TATDN2: variants seen among roughly 807,000 people sequenced by gnomAD.
TATDN2 encodes the protein 3'-5' RNA nuclease TATDN2.
In TATDN2, 44 loss-of-function variants were observed where a neutral mutation model predicts 60.3. The ratio of observed to expected loss-of-function variants is 0.73; its 90% CI spans 0.57 to 0.94. TATDN2 has a LOEUF of 0.94. Ranked by LOEUF, TATDN2 falls within the 40% of genes least tolerant of loss-of-function variation. The pLI is 0.00. For synonymous variants in TATDN2, 399 were observed against 355.8 expected, an observed-to-expected ratio of 1.12 and a Z score of -1.37; for missense variants, 997 against 948.0, an observed-to-expected ratio of 1.05 and a Z score of -0.68.
intron 2 of TATDN2, among the ~76,000 whole-genome samples, chr3:10,253,552 C>T (rs1057421904): frequency 1.2e-4 from 18 of 152,166 alleles, no homozygotes; most frequent in African/African-American, 2.7e-4. Flanking sequence ...AACTGTGTGA[C>T]GAGCACCTTC....
chr3:10,257,904 A>G, intron 2 of TATDN2, among the ~76,000 whole-genome samples: 1 of 104,486 alleles, frequency 9.6e-6, no homozygotes, highest in Admixed American at 1.5e-4. Context: ...TCTGTAGCCC[A>G]GGCTGGAGTG....
At chr3:10,272,143 C>T (rs1273046780) in intron 4 of TATDN2, among the ~76,000 whole-genome samples, 3 of 151,788 alleles carry the variant, frequency 2.0e-5, no homozygotes, top group Non-Finnish European at 4.4e-5. Flanking sequence ...AGGTCTTTGT[C>T]GCCCACACTG....
At chr3:10,252,913 G>C (rs1698253071) in intron 2 of TATDN2, among the ~76,000 whole-genome samples, 1 of 144,528 alleles carries the variant, frequency 6.9e-6, no homozygotes, top group Non-Finnish European at 1.5e-5. Context: ...CTGGAGTGCA[G>C]TGGTGCAATC....
At chr3:10,265,019 C>CG (rs1553628980) in intron 3 of TATDN2, among the ~76,000 whole-genome samples, 1 of 76,448 alleles carries the variant, frequency 1.3e-5, no homozygotes, top group African/African-American at 5.8e-5. Context: ...TTTTTTTGGT[C>CG]TTTTTTTTTT....
At chr3:10,253,216 G>A (rs1369608312) in intron 2 of TATDN2, among the ~76,000 whole-genome samples, 1 of 151,702 alleles carries the variant, frequency 6.6e-6, no homozygotes, top group Non-Finnish European at 1.5e-5. Context: ...GACCAGGCTG[G>A]TCTCAATCTC....
chr3:10,272,732 A>G (rs193040318), intron 4 of TATDN2, among the ~76,000 whole-genome samples: 19 of 152,074 alleles, frequency 1.2e-4, no homozygotes, highest in Admixed American at 4.6e-4. Flanking sequence ...TCTATTAAAA[A>G]TACAAAAATT....
chr3:10,253,817 A>G (rs1353873027), intron 2 of TATDN2, among the ~76,000 whole-genome samples: 1 of 152,246 alleles, frequency 6.6e-6, no homozygotes, highest in Non-Finnish European at 1.5e-5. Context: ...CACTGGGCAG[A>G]TGAGATTCAG....
chr3:10,252,168 A>AAT lies in TATDN2; in HGVS notation c.414+2554_414+2555insAT, dbSNP rs1456090362. Among the ~76,000 whole-genome samples the AAT allele has an allele frequency of 9.6e-3, 1,305 of 136,200 alleles. 23 individuals are homozygous for AAT. Among genetic ancestry groups the AAT allele is most frequent in the East Asian group, 0.057 (244 of 4,288 alleles). 89.4% of individuals were successfully genotyped at this position (136,200 alleles called of 152,430 possible). ...GTCTCAAAAAAAAAAAAAAAAAAAAATTTTTTTTTTTGTAGAGATGAAGAT... is the reference window on the plus strand; with the variant it reads ...GTCTCAAAAAAAAAAAAAAAAAAAAAATTTTTTTTTTTTGTAGAGATGAAGAT... On this transcript the variant is annotated intron_variant, in intron 2 of 7. Transcript: ENST00000448281.
chr3:10,250,453 G>A (rs1698205797), intron 2 of TATDN2, among the ~76,000 whole-genome samples: 1 of 151,944 alleles, frequency 6.6e-6, no homozygotes, highest in African/African-American at 2.4e-5. Context: ...GAAGTGAGAA[G>A]TTCTGCCTGT....
intron 3 of TATDN2, among the ~76,000 whole-genome samples, chr3:10,268,851 T>TA (rs1698516690): frequency 6.6e-6 from 1 of 152,222 alleles, no homozygotes; most frequent in South Asian, 2.1e-4. Flanking sequence ...TCGTGGCGCT[T>TA]ACCTTCTCTA....
rs757547001 is a variant in TATDN2 at position 10,249,321 on chromosome 3, A to C, written c.121A>C (p.Arg41=). 6.2e-7 allele frequency: 1 copy of C among 1,611,234 alleles called. No individual in the cohort carries two copies. The highest frequency in any genetic ancestry group is 8.5e-7 in the Non-Finnish European group (1 of 1,178,194). The change falls in exon 2 of 8, where the codon AGG becomes CGG. Residue 41 remains arginine, a synonymous_variant. Coordinates refer to ENST00000448281, the MANE Select transcript of TATDN2 (RefSeq NM_014760.4). ...DVAPSSRPAQ[R]SASRSGGPSS... Reference sequence around the variant, plus strand: ...GGCCCCCTCCAGCCGGCCAGCTCAGAGGTCTGCGTCGCGTTCTGGAGGGCC... The same window carrying C: ...GGCCCCCTCCAGCCGGCCAGCTCAGCGGTCTGCGTCGCGTTCTGGAGGGCC...
At chr3:10,250,285 C>T (rs187900339) in intron 2 of TATDN2, among the ~76,000 whole-genome samples, 3 of 150,404 alleles carry the variant, frequency 2.0e-5, no homozygotes, top group African/African-American at 4.9e-5. Context: ...AGAGAAGATA[C>T]ATTTCGCTCA....
In TATDN2 at chr3:10,248,919, T is replaced by C; in HGVS notation, c.-155T>C. On this transcript the variant is annotated 5_prime_UTR_variant, in exon 1 of 8. Coordinates refer to ENST00000448281, the MANE Select transcript of TATDN2 (RefSeq NM_014760.4). ...ATCTCCGAAGTAGCGCTGGGCAAAG[T>C]GAAGGCTTCCTGATCTCAGAAGCAC... The C allele has an allele frequency of 2.6e-6, 1 of 386,522 alleles. No individual in the cohort carries two copies. The highest frequency in any genetic ancestry group is 1.1e-4 in the South Asian group (1 of 8,836). The allele number at this position is 386,522 out of a possible 1,614,324, so 23.9% of individuals were successfully genotyped here.
intron 2 of TATDN2, among the ~76,000 whole-genome samples, chr3:10,251,601 G>T (rs1246904445): frequency 6.6e-6 from 1 of 152,050 alleles, no homozygotes; most frequent in Non-Finnish European, 1.5e-5. Context: ...GGCCAGGCTG[G>T]TCTCTAACTC....
intron 4 of TATDN2, among the ~76,000 whole-genome samples, chr3:10,272,010 C>G (rs926401121): frequency 6.6e-6 from 1 of 151,614 alleles, no homozygotes; most frequent in Admixed American, 6.6e-5. Context: ...GATTACAGAC[C>G]TGAGCCACTG....
intron 4 of TATDN2, among the ~76,000 whole-genome samples, chr3:10,273,868 T>C (rs1307730344): frequency 6.6e-6 from 1 of 152,212 alleles, no homozygotes. Flanking sequence ...ATAGTTTGTG[T>C]GTAAGTTGCA....
intron 3 of TATDN2, among the ~76,000 whole-genome samples, chr3:10,261,638 G>A (rs1041706972): frequency 3.9e-5 from 6 of 152,106 alleles, no homozygotes; most frequent in African/African-American, 1.4e-4. Context: ...AAAGTGCCGG[G>A]ATTACAGGCA....
At chr3:10,274,007 G>A (rs1698600976) in intron 4 of TATDN2, among the ~76,000 whole-genome samples, 1 of 152,100 alleles carries the variant, frequency 6.6e-6, no homozygotes, top group African/African-American at 2.4e-5. Context: ...AGATGCCTGG[G>A]GCAACTCCCA....
At chr3:10,262,866 C>G (rs2125175785) in intron 3 of TATDN2, among the ~76,000 whole-genome samples, 1 of 152,114 alleles carries the variant, frequency 6.6e-6, no homozygotes, top group Non-Finnish European at 1.5e-5. Context: ...TGAAGCTATG[C>G]TGGTTCCTGA....
Sources: gnomAD v4.1 joint callset for allele counts (sites outside exome capture counted in the v4.1 genomes callset) on GRCh38, gnomAD v4.1.1 for gene constraint, MANE v1.5 for transcripts, NCBI Gene and HGNC (gene_info 2026-07-23, HGNC 2026-07-21) for gene names.